CMTR1: variants seen among roughly 807,000 people sequenced by gnomAD.
CMTR1 encodes cap-specific mRNA (nucleoside-2'-O-)-methyltransferase 1.
A neutral mutation model predicts 107.0 loss-of-function variants in CMTR1; 39 were observed. The observed-to-expected ratio is 0.36, with a 90% CI of 0.28 to 0.48. The LOEUF is 0.48. CMTR1 is among the 20% of genes least tolerant of loss of function. The pLI is 0.99. For missense variants in CMTR1, 672 were observed against 1,064.9 expected (o/e 0.63, Z 5.14); for synonymous variants, 366 against 379.5 (o/e 0.96, Z 0.41).
chr6:37,460,777 A>G (rs1311348161), intron 10 of CMTR1, among the ~76,000 whole-genome samples: 3 of 152,174 alleles, frequency 2.0e-5, no homozygotes, highest in African/African-American at 7.2e-5. Context: ...AAGTCTATTC[A>G]CACTGTTGTG....
chr6:37,462,844 G>A lies in CMTR1; in HGVS notation c.1341G>A (p.Lys447=). 6.2e-7 allele frequency: 1 copy of A among 1,612,774 alleles called. No individual in the cohort carries two copies. The highest frequency in any genetic ancestry group is 8.5e-7 in the Non-Finnish European group (1 of 1,180,012). Residue 447 remains lysine, a synonymous_variant, in exon 13 of 24, where the codon AAG becomes AAA. Coordinates refer to ENST00000373451, the MANE Select transcript of CMTR1 (RefSeq NM_015050.3). ...PANSERYVVC[K]GLKVGIDDVR... is the part of the protein sequence containing the mutation. ...CTTCTGCCAGGTATGTGGTGTGCAA[G>A]GGCCTGAAGGTGGGCATAGATGATG... is the stretch of plus-strand genomic sequence containing the variant.
intron 20 of CMTR1, among the ~76,000 whole-genome samples, chr6:37,476,897 C>T (rs980168730): frequency 6.6e-6 from 1 of 152,236 alleles, no homozygotes; most frequent in Non-Finnish European, 1.5e-5. Flanking sequence ...TGAGAATGCA[C>T]TTTATAGATG....
At chr6:37,476,308 C>G in intron 20 of CMTR1, 114 bp downstream of exon 20, 1 of 1,058,622 alleles carries the variant, frequency 9.4e-7, no homozygotes, top group South Asian at 1.3e-5. Context: ...GTGTTAGAGA[C>G]AAGACCATTC....
intron 10 of CMTR1, among the ~76,000 whole-genome samples, 162 bp downstream of exon 10, chr6:37,459,846 T>C (rs1761365575): frequency 6.6e-6 from 1 of 152,242 alleles, no homozygotes; most frequent in South Asian, 2.1e-4. Flanking sequence ...ATTTTTTAAA[T>C]GATAATTGTG....
At chr6:37,428,055 A>G in the CMTR1 span, among the ~76,000 whole-genome samples, 3 of 142,708 alleles carry the variant, frequency 2.1e-5, no homozygotes, top group East Asian at 2.0e-4. Context: ...AGAGAGAGAG[A>G]GAGAGAAACT....
chr6:37,457,306 GATTAGTC>G (rs1035713838), intron 8 of CMTR1, among the ~76,000 whole-genome samples: 1 of 152,034 alleles, frequency 6.6e-6, no homozygotes, highest in Non-Finnish European at 1.5e-5. Flanking sequence ...TTCAAATGAT[GATTAGTC>G]AGTCCTGAGT....
rs770462745 is a variant in CMTR1, at chr6:37,462,915, G to A, written c.1412G>A (p.Arg471Gln). ...FAVNIKLNQL[R>Q]NTDSDVNLVV... Reference sequence around the variant, plus strand: ...GTGAATATTAAACTCAATCAGCTGCGGAACACGGATTCCGACGTCAACTTG... The same window carrying A: ...GTGAATATTAAACTCAATCAGCTGCAGAACACGGATTCCGACGTCAACTTG... Residue 471 changes from arginine to glutamine, a missense_variant, in exon 13 of 24, where the codon CGG becomes CAG. Physicochemically the swap from Arg to Gln is conservative, Grantham distance 43. Transcript: ENST00000373451. The A allele has an allele frequency of 1.9e-5, 30 of 1,614,168 alleles. No homozygotes were observed. Among genetic ancestry groups the A allele is most frequent in the East Asian group, 4.5e-5 (2 of 44,882 alleles).
At chr6:37,466,240 G>A (rs187435920) in intron 13 of CMTR1, among the ~76,000 whole-genome samples, 147 of 151,480 alleles carry the variant, frequency 9.7e-4, no homozygotes, top group African/African-American at 3.4e-3. Flanking sequence ...AGCCTCCCGA[G>A]TAGCTGGGAT....
In CMTR1 at chr6:37,449,271, TTGTTA is replaced by T. The variant is rs71542111; in HGVS notation, c.445-938_445-934del. On this transcript the variant is annotated intron_variant, in intron 4 of 23. Coordinates refer to ENST00000373451, the MANE Select transcript of CMTR1 (RefSeq NM_015050.3). ...CCAGGCATCAGTACTATTTTATGTTTTGTTATGTTATGTTATGTTATGTTATGTTA... is the reference window on the plus strand; with the variant it reads ...CCAGGCATCAGTACTATTTTATGTTTTGTTATGTTATGTTATGTTATGTTA... 5.2e-3 allele frequency among the ~76,000 whole-genome samples: 757 copies of T among 145,354 alleles called. 4 individuals carry two copies. Among genetic ancestry groups the T allele is most frequent in the African/African-American group, 9.9e-3 (384 of 38,756 alleles).
chr6:37,425,069 C>T, the CMTR1 span, among the ~76,000 whole-genome samples: 1 of 151,116 alleles, frequency 6.6e-6, no homozygotes, highest in Non-Finnish European at 1.5e-5. Context: ...CTGCCTCAGC[C>T]TCCAGAGTAG....
intron 1 of CMTR1, 21 bp downstream of exon 1, chr6:37,433,398 C>T (rs529799236): frequency 3.3e-5 from 5 of 152,510 alleles, no homozygotes; most frequent in African/African-American, 9.6e-5. Context: ...ACGCGCGGCC[C>T]GGGGGGAGCA....
Position 37,481,488 on chromosome 6 carries a change from TAAAG to T in CMTR1, c.*1345_*1348del. 9.0e-7 allele frequency: 1 copy of T among 1,112,316 alleles called. No homozygotes were observed. The highest frequency in any genetic ancestry group is 1.1e-6 in the Non-Finnish European group (1 of 904,226). The allele number at this position is 1,112,316 out of a possible 1,614,324, so 68.9% of individuals were successfully genotyped here. Reference sequence around the variant, plus strand: ...TGTGTCTTGCAGAATCTTGGATCATTAAAGATAAACATATTTTTAATGCCTGTGT... The same window carrying T: ...TGTGTCTTGCAGAATCTTGGATCATTATAAACATATTTTTAATGCCTGTGT... On this transcript the variant is annotated 3_prime_UTR_variant, in exon 24 of 24. Transcript: ENST00000373451.
the CMTR1 span, among the ~76,000 whole-genome samples, chr6:37,425,959 T>C: frequency 2.6e-5 from 4 of 152,144 alleles, no homozygotes; most frequent in African/African-American, 9.7e-5. Flanking sequence ...TTAGACTCTG[T>C]TTGTTTTGTT....
intron 4 of CMTR1, among the ~76,000 whole-genome samples, chr6:37,448,134 C>T (rs1771844094): frequency 7.0e-6 from 1 of 142,704 alleles, no homozygotes; most frequent in Non-Finnish European, 1.5e-5. Context: ...TGGCATGAAC[C>T]TGGGAGGCGG....
chr6:37,451,912 C>T (rs753979599), intron 6 of CMTR1, 35 bp downstream of exon 6: 1 of 1,553,080 alleles, frequency 6.4e-7, no homozygotes, highest in Non-Finnish European at 8.9e-7. Flanking sequence ...ATAATGAAAA[C>T]CTTGTGGGAG....
At chr6:37,475,969 G>A in intron 19 of CMTR1, 157 bp from the exon 20 acceptor site, 1 of 673,172 alleles carries the variant, frequency 1.5e-6, no homozygotes, top group East Asian at 2.6e-5. Flanking sequence ...GAGAAGGGCA[G>A]GGCGGGCTTC....
intron 8 of CMTR1, among the ~76,000 whole-genome samples, chr6:37,455,620 A>G (rs1761275726): frequency 6.6e-6 from 1 of 152,144 alleles, no homozygotes; most frequent in Non-Finnish European, 1.5e-5. Flanking sequence ...GCAGAAGACA[A>G]CTGAAGGTAG....
the CMTR1 span, among the ~76,000 whole-genome samples, chr6:37,424,409 ATT>A: frequency 0.011 from 1,650 of 144,114 alleles, 25 homozygotes; most frequent in African/African-American, 0.039. Context: ...CGCCTGGTTA[ATT>A]TTTTTTTTTT....
intron 13 of CMTR1, 110 bp downstream of exon 13, chr6:37,463,118 T>G: frequency 5.1e-6 from 6 of 1,175,716 alleles, no homozygotes; most frequent in Non-Finnish European, 7.4e-6. Flanking sequence ...CCTGACAAAT[T>G]GGCAACTGGG....
Sources: allele counts gnomAD v4.1 joint callset (sites outside exome capture counted in the v4.1 genomes callset), GRCh38; gene constraint gnomAD v4.1.1; transcripts MANE v1.5; gene names NCBI Gene and HGNC (gene_info 2026-07-23, HGNC 2026-07-21).